The following SUMF1 variants were observed in gnomAD, a reference collection of about 807,000 sequenced individuals.
SUMF1 encodes the protein formylglycine-generating enzyme.
A neutral mutation model predicts 47.6 loss-of-function variants in SUMF1; 48 were observed. The observed-to-expected ratio is 1.01, with a 90% CI of 0.80 to 1.28. SUMF1 has a LOEUF of 1.28. Among genes scored for constraint, SUMF1 ranks in the 50% most tolerant of loss-of-function variants. The pLI is 0.00. For synonymous variants in SUMF1, 230 were observed against 192.1 expected (o/e 1.20, Z -1.63); for missense variants, 571 against 485.4 (o/e 1.18, Z -1.66).
chr3:4,076,928 C>G (rs539371474), intron 8 of SUMF1, among the ~76,000 whole-genome samples: 112 of 151,976 alleles, frequency 7.4e-4, no homozygotes, highest in African/African-American at 2.7e-3. Flanking sequence ...GGCGTGAACC[C>G]GAGAGGCAGA....
intron 8 of SUMF1, among the ~76,000 whole-genome samples, chr3:4,252,743 G>A (rs1696835179): frequency 2.6e-5 from 4 of 151,922 alleles, no homozygotes; most frequent in Admixed American, 2.6e-4. Flanking sequence ...ACCAAGTACA[G>A]TGAAAAATAG....
intron 8 of SUMF1, among the ~76,000 whole-genome samples, chr3:4,269,769 A>G (rs1280392576): frequency 1.3e-5 from 2 of 152,208 alleles, no homozygotes; most frequent in Non-Finnish European, 2.9e-5. Flanking sequence ...CCATTCAACT[A>G]CTAATGCACA....
intron 8 of SUMF1, among the ~76,000 whole-genome samples, chr3:4,137,111 C>T (rs1471590583): frequency 2.0e-5 from 3 of 152,018 alleles, no homozygotes; most frequent in African/African-American, 4.8e-5. Context: ...ACCCAGCCAT[C>T]CCAATACTGG....
At chr3:4,319,423 T>C (rs937332197) in intron 8 of SUMF1, among the ~76,000 whole-genome samples, 3 of 151,846 alleles carry the variant, frequency 2.0e-5, no homozygotes, top group Admixed American at 6.6e-5. Flanking sequence ...GCTTACATAG[T>C]GAGGGAAGGA....
chr3:4,464,213 G>T (rs1002053468), intron 1 of SUMF1, among the ~76,000 whole-genome samples: 3 of 151,908 alleles, frequency 2.0e-5, no homozygotes, highest in African/African-American at 7.3e-5. Context: ...GAATGTCCTT[G>T]AATCTGGAAT....
chr3:4,308,272 A>T (rs1320636306), intron 8 of SUMF1, among the ~76,000 whole-genome samples: 2 of 152,154 alleles, frequency 1.3e-5, no homozygotes, highest in South Asian at 4.1e-4. Flanking sequence ...TCCAGAACTT[A>T]TTTTCTTCAC....
chr3:4,444,667 T>C (rs1702719664), intron 3 of SUMF1, among the ~76,000 whole-genome samples: 1 of 152,162 alleles, frequency 6.6e-6, no homozygotes, highest in Non-Finnish European at 1.5e-5. Context: ...AAAACCAGTA[T>C]TCCTGCTGTG....
At chr3:4,387,603 T>A (rs1190547407) in intron 7 of SUMF1, among the ~76,000 whole-genome samples, 3 of 152,014 alleles carry the variant, frequency 2.0e-5, no homozygotes, top group Non-Finnish European at 4.4e-5. Flanking sequence ...TCTGTTTTTA[T>A]TATTTCCTTA....
At chr3:4,278,722 G>A (rs889400702) in intron 8 of SUMF1, among the ~76,000 whole-genome samples, 6 of 152,080 alleles carry the variant, frequency 3.9e-5, no homozygotes, top group African/African-American at 7.2e-5. Context: ...TTGTCACATC[G>A]ATGGCAGTGA....
At chr3:4,134,641 T>G (rs951154217) in intron 8 of SUMF1, among the ~76,000 whole-genome samples, 1 of 151,862 alleles carries the variant, frequency 6.6e-6, no homozygotes, top group Non-Finnish European at 1.5e-5. Flanking sequence ...CTGAAGGAAA[T>G]AGAGACACAA....
At chr3:4,391,453 T>C (rs1463835026) in intron 7 of SUMF1, among the ~76,000 whole-genome samples, 2 of 152,162 alleles carry the variant, frequency 1.3e-5, no homozygotes, top group South Asian at 2.1e-4. Flanking sequence ...GCTGTCTTGA[T>C]TTTTCTCTGA....
intron 8 of SUMF1, among the ~76,000 whole-genome samples, chr3:4,237,956 G>C (rs966974697): frequency 6.6e-6 from 1 of 151,456 alleles, no homozygotes; most frequent in East Asian, 1.9e-4. Context: ...ACAGGCCCCA[G>C]TGTGTAATGT....
At chr3:4,428,419 TC>T (rs1351957404) in intron 3 of SUMF1, among the ~76,000 whole-genome samples, 1 of 152,184 alleles carries the variant, frequency 6.6e-6, no homozygotes, top group African/African-American at 2.4e-5. Context: ...AGTGGCACTA[TC>T]ATAGCTCACT....
intron 8 of SUMF1, among the ~76,000 whole-genome samples, chr3:4,271,829 T>TA (rs1274572386): frequency 6.6e-6 from 1 of 151,982 alleles, no homozygotes; most frequent in Non-Finnish European, 1.5e-5. Context: ...AATTAAAAAC[T>TA]AAAATCATAG....
chr3:4,338,576 G>A (rs1241974402), intron 8 of SUMF1, among the ~76,000 whole-genome samples: 4 of 152,112 alleles, frequency 2.6e-5, no homozygotes, highest in African/African-American at 4.8e-5. Flanking sequence ...TTCAACCAAT[G>A]TTTTCGAGCA....
chr3:4,217,512 T>A (rs1276267374), intron 8 of SUMF1, among the ~76,000 whole-genome samples: 1 of 47,516 alleles, frequency 2.1e-5, no homozygotes, highest in Non-Finnish European at 4.0e-5. Context: ...TTAAAGTATT[T>A]TTTATATATA....
chr3:4,424,435 G>A (rs1008172478), intron 3 of SUMF1, among the ~76,000 whole-genome samples: 10 of 152,118 alleles, frequency 6.6e-5, no homozygotes, highest in Admixed American at 3.3e-4. Context: ...GAAAAAACAC[G>A]TGAACACACT....
intron 8 of SUMF1, among the ~76,000 whole-genome samples, chr3:4,074,422 T>C (rs1235683054): frequency 6.6e-6 from 1 of 151,898 alleles, no homozygotes; most frequent in Non-Finnish European, 1.5e-5. Context: ...ACATCACAAT[T>C]AGAAGAACTA....
intron 8 of SUMF1, among the ~76,000 whole-genome samples, chr3:4,325,415 A>T (rs769849390): frequency 6.6e-6 from 1 of 152,128 alleles, no homozygotes; most frequent in Non-Finnish European, 1.5e-5. Context: ...GAGAAAAGGG[A>T]CCAAGGACAA....
Sources: gnomAD v4.1 joint callset for allele counts (sites outside exome capture counted in the v4.1 genomes callset) on GRCh38, gnomAD v4.1.1 for gene constraint, MANE v1.5 for transcripts, NCBI Gene and HGNC (gene_info 2026-07-23, HGNC 2026-07-21) for gene names.